The following GRB14 variants were observed in gnomAD, a reference collection of about 807,000 sequenced individuals.
GRB14 encodes growth factor receptor-bound protein 14.
In GRB14, 38 loss-of-function variants were observed where a neutral mutation model predicts 69.1. The ratio of observed to expected loss-of-function variants is 0.55; its 90% confidence interval spans 0.42 to 0.72. The LOEUF is 0.72. GRB14 is among the 30% of genes least tolerant of loss of function. GRB14 has a pLI of 0.00. For missense variants in GRB14, 666 were observed against 666.1 expected (o/e 1.00, Z 0.00); for synonymous variants, 247 against 241.3 (o/e 1.02, Z -0.22).
intron 2 of GRB14, among the ~76,000 whole-genome samples, chr2:164,566,066 A>G (rs1559053934): frequency 6.6e-6 from 1 of 152,200 alleles, no homozygotes; most frequent in Non-Finnish European, 1.5e-5. Context: ...CTCATTCAGG[A>G]TGAGTGAACT....
chr2:164,585,546 A>G (rs1446155059), intron 2 of GRB14, among the ~76,000 whole-genome samples: 2 of 152,170 alleles, frequency 1.3e-5, no homozygotes, highest in Non-Finnish European at 2.9e-5. Context: ...CATACTTGAA[A>G]TTTGCTAAGA....
chr2:164,516,162 A>G (rs1190981561), intron 6 of GRB14, among the ~76,000 whole-genome samples: 2 of 152,172 alleles, frequency 1.3e-5, no homozygotes, highest in Non-Finnish European at 2.9e-5. Context: ...CATCAAAGAA[A>G]ACTTCCCCAG....
intron 1 of GRB14, 163 bp from the exon 2 acceptor site, chr2:164,619,982 C>A: frequency 4.0e-6 from 2 of 495,938 alleles, no homozygotes; most frequent in Non-Finnish European, 7.2e-6. Context: ...TTCTATGGGT[C>A]AAAATACAGT....
At chr2:164,601,822 A>T (rs1282740096) in intron 2 of GRB14, among the ~76,000 whole-genome samples, 1 of 152,150 alleles carries the variant, frequency 6.6e-6, no homozygotes, top group East Asian at 1.9e-4. Context: ...TACAATCTTA[A>T]CAGTTTTGAA....
chr2:164,542,795 A>G (rs1303711757), intron 3 of GRB14, among the ~76,000 whole-genome samples: 2 of 152,234 alleles, frequency 1.3e-5, no homozygotes, highest in African/African-American at 4.8e-5. Flanking sequence ...TGCTGGTGGA[A>G]TGTAAATTAG....
chr2:164,556,498 C>T (rs1688680631), intron 2 of GRB14, among the ~76,000 whole-genome samples: 1 of 152,114 alleles, frequency 6.6e-6, no homozygotes. Context: ...CATCCTTGTA[C>T]CCCCTTTCAC....
At chr2:164,515,263 G>A (rs1687450674) in intron 6 of GRB14, among the ~76,000 whole-genome samples, 1 of 152,196 alleles carries the variant, frequency 6.6e-6, no homozygotes, top group South Asian at 2.1e-4. Context: ...AACACAAAAC[G>A]AGCACAATAA....
At chr2:164,561,747 G>A (rs1190076730) in intron 2 of GRB14, among the ~76,000 whole-genome samples, 1 of 152,100 alleles carries the variant, frequency 6.6e-6, no homozygotes, top group African/African-American at 2.4e-5. Flanking sequence ...TCCAAAAATG[G>A]GTTTGGCCAC....
intron 3 of GRB14, among the ~76,000 whole-genome samples, chr2:164,530,848 G>T (rs931732697): frequency 6.6e-6 from 1 of 152,134 alleles, no homozygotes; most frequent in Non-Finnish European, 1.5e-5. Context: ...TTTGAACACA[G>T]GAATAACATG....
At chr2:164,502,147 C>A in intron 9 of GRB14, 108 bp downstream of exon 9, 3 of 587,008 alleles carry the variant, frequency 5.1e-6, no homozygotes, top group Non-Finnish European at 6.2e-6. Context: ...AGTTACTTTA[C>A]CAACAGAAAA....
intron 2 of GRB14, among the ~76,000 whole-genome samples, chr2:164,602,584 G>A (rs570529801): frequency 1.3e-5 from 2 of 152,244 alleles, no homozygotes; most frequent in South Asian, 2.1e-4. Flanking sequence ...TGCTCAAGAG[G>A]AGATTATACA....
intron 2 of GRB14, among the ~76,000 whole-genome samples, chr2:164,574,981 G>C (rs1223884489): frequency 1.3e-5 from 2 of 151,302 alleles, no homozygotes; most frequent in Non-Finnish European, 2.9e-5. Flanking sequence ...GTTCCCCAGA[G>C]AAACAGTCAA....
chr2:164,599,364 C>T (rs186051473), intron 2 of GRB14, among the ~76,000 whole-genome samples: 1 of 152,282 alleles, frequency 6.6e-6, no homozygotes, highest in East Asian at 1.9e-4. Flanking sequence ...TTTCCTCTCT[C>T]AATGAGAAAT....
chr2:164,583,746 A>T (rs1433580602), intron 2 of GRB14, among the ~76,000 whole-genome samples: 2 of 152,204 alleles, frequency 1.3e-5, no homozygotes, highest in African/African-American at 2.4e-5. Context: ...ATAAGATAAA[A>T]CATCTGAAAT....
chr2:164,547,716 T>A lies in GRB14; in HGVS notation c.425A>T (p.His142Leu), dbSNP rs1380412979. Residue 142 changes from histidine (H) to leucine (L), a missense_variant, in exon 3 of 14, where the codon CAT (histidine) becomes CTT (leucine). Transcript: ENST00000263915. ...DVCQLLILKN[H>L]YIDDHSWTLF... ...GGTCCAGCTGTGGTCATCAATGTAA[T>A]GATTCTTCAGGATCAACAGCTGACA... 6.2e-7 allele frequency: 1 copy of A among 1,613,748 alleles called. No homozygotes were observed. The highest frequency in any genetic ancestry group is 8.5e-7 in the Non-Finnish European group (1 of 1,179,826).
chr2:164,546,289 G>A (rs1315532208), intron 3 of GRB14, among the ~76,000 whole-genome samples: 1 of 151,984 alleles, frequency 6.6e-6, no homozygotes, highest in South Asian at 2.1e-4. Context: ...AAAAATAAAA[G>A]AATAAAGAAA....
chr2:164,525,142 A>G (rs1687737327), intron 4 of GRB14, 64 bp from the exon 5 acceptor site: 2 of 1,100,936 alleles, frequency 1.8e-6, no homozygotes, highest in South Asian at 2.7e-5. Flanking sequence ...ATTATGACCA[A>G]TATAGTAATC....
At chr2:164,536,365 G>C (rs1688079843) in intron 3 of GRB14, among the ~76,000 whole-genome samples, 1 of 152,196 alleles carries the variant, frequency 6.6e-6, no homozygotes, top group Admixed American at 6.5e-5. Context: ...GCTTCAGAAA[G>C]ATGTCTGAGC....
chr2:164,616,332 A>G (rs751038017), intron 2 of GRB14, among the ~76,000 whole-genome samples: 7 of 149,638 alleles, frequency 4.7e-5, no homozygotes, highest in Non-Finnish European at 8.9e-5. Flanking sequence ...AGGCTGAGGC[A>G]GGAGAATGGC....
Sources: allele counts gnomAD v4.1 joint callset (sites outside exome capture counted in the v4.1 genomes callset), GRCh38; gene constraint gnomAD v4.1.1; transcripts MANE v1.5; gene names NCBI Gene and HGNC (gene_info 2026-07-23, HGNC 2026-07-21).